The following ZFYVE21 variants were observed in gnomAD, a reference collection of about 807,000 sequenced individuals.
ZFYVE21 encodes the protein zinc finger FYVE domain-containing protein 21.
ZFYVE21 carries 21 observed loss-of-function variants against 29.5 expected under a neutral mutation model. That is an observed-to-expected ratio of 0.71 (90% CI 0.50 to 1.02). The LOEUF (loss-of-function observed/expected upper bound fraction) is 1.02, where lower values mean the gene tolerates loss of function less well. Ranked by LOEUF, ZFYVE21 falls within the 50% of genes least tolerant of loss-of-function variation. The pLI is 0.00. For synonymous variants in ZFYVE21, 151 were observed against 133.8 expected (o/e 1.13, Z -0.89); for missense variants, 326 against 335.4 (o/e 0.97, Z 0.22).
chr14:103,729,065 G>T, intron 4 of ZFYVE21, 26 bp from the exon 5 acceptor site: 1 of 1,613,904 alleles, frequency 6.2e-7, no homozygotes, highest in South Asian at 1.1e-5. Flanking sequence ...AGAATGACCC[G>T]ATTTGGACAC....
intron 1 of ZFYVE21, among the ~76,000 whole-genome samples, chr14:103,720,003 G>A (rs1567068270): frequency 6.6e-6 from 1 of 152,224 alleles, no homozygotes; most frequent in Non-Finnish European, 1.5e-5. Context: ...ACCTGTCACC[G>A]TCTTCAAACT....
chr14:103,726,860 A>AGTG lies in ZFYVE21; in HGVS notation c.189+20_189+22dup, dbSNP rs1214736041. 1 of 1,573,526 alleles carries AGTG rather than the reference A, an allele frequency of 6.4e-7. No individual in the cohort carries two copies. The highest frequency in any genetic ancestry group is 8.7e-7 in the Non-Finnish European group (1 of 1,155,456). On this transcript the variant is annotated intron_variant, in intron 2 of 6. Transcript: ENST00000311141. ...CCAGAAAGGTGAGCTGAGGCCGCTG[A>AGTG]GTGGGGGTGGTGGGAAGAGGGGAGG...
intron 4 of ZFYVE21, 49 bp downstream of exon 4, chr14:103,729,032 G>A (rs370088819): frequency 1.2e-6 from 2 of 1,613,672 alleles, no homozygotes; most frequent in African/African-American, 2.7e-5. Context: ...CACAGACCGG[G>A]AGCCTCGGTG....
intron 1 of ZFYVE21, chr14:103,725,223 AG>A (rs1567070065): frequency 6.6e-6 from 1 of 152,308 alleles, no homozygotes; most frequent in East Asian, 1.9e-4. Flanking sequence ...GGAGGCGGCC[AG>A]GCCAGGCCTT....
rs759696177 is a variant in ZFYVE21, at chr14:103,732,772, C to T, written c.669+10C>T. On this transcript the variant is annotated intron_variant, in intron 6 of 6. Coordinates refer to ENST00000311141, the MANE Select transcript of ZFYVE21 (RefSeq NM_024071.4). ...AGTGGCCATGCACAAGGTACCTGAG[C>T]CCAGGCCAGGGAGGCTGGGCCCTTT... is the stretch of plus-strand genomic sequence containing the variant. The T allele has an allele frequency of 2.5e-6, 4 of 1,611,100 alleles. No individual in the cohort carries two copies. The highest frequency in any genetic ancestry group is 2.5e-6 in the Non-Finnish European group (3 of 1,178,970).
At chr14:103,727,528 A>C (rs1169995981) in intron 2 of ZFYVE21, 1 of 703,170 alleles carries the variant, frequency 1.4e-6, no homozygotes, top group South Asian at 1.5e-5. Context: ...ATTTTGATCC[A>C]TGATTTTGAA....
intron 6 of ZFYVE21, 40 bp downstream of exon 6, chr14:103,732,802 T>TAGAC: frequency 6.2e-7 from 1 of 1,604,544 alleles, no homozygotes; most frequent in Non-Finnish European, 8.5e-7. Flanking sequence ...CCCTTTGGCT[T>TAGAC]AGACAAAAGC....
intron 1 of ZFYVE21, chr14:103,725,686 T>C (rs547671986): frequency 6.6e-6 from 1 of 152,392 alleles, no homozygotes; most frequent in South Asian, 2.1e-4. Flanking sequence ...TGTGTGTCTC[T>C]GGGTGCTTGG....
chr14:103,726,457 G>A, intron 1 of ZFYVE21: 2 of 230,190 alleles, frequency 8.7e-6, no homozygotes, highest in Non-Finnish European at 1.7e-5. Context: ...CGTTGTTAAG[G>A]TGAACTGCTG....
chr14:103,724,174 G>A (rs894536780), intron 1 of ZFYVE21, among the ~76,000 whole-genome samples: 8 of 152,232 alleles, frequency 5.3e-5, no homozygotes, highest in Non-Finnish European at 8.8e-5. Flanking sequence ...TTGGGCGGCC[G>A]CGCGGTCCCC....
intron 1 of ZFYVE21, among the ~76,000 whole-genome samples, chr14:103,717,791 T>C (rs2083839898): frequency 1.3e-5 from 2 of 152,174 alleles, no homozygotes; most frequent in Non-Finnish European, 2.9e-5. Flanking sequence ...TGGGTGGGCT[T>C]GGGGGACAGA....
intron 5 of ZFYVE21, chr14:103,729,878 G>C: frequency 6.5e-7 from 1 of 1,535,398 alleles, no homozygotes; most frequent in Non-Finnish European, 8.7e-7. Context: ...GGGGCTCCCC[G>C]CATGCAGCGG....
chr14:103,717,230 C>G (rs543622209), intron 1 of ZFYVE21, among the ~76,000 whole-genome samples: 1 of 152,216 alleles, frequency 6.6e-6, no homozygotes, highest in Non-Finnish European at 1.5e-5. Flanking sequence ...TCCCCAGTAT[C>G]GCCACCATGA....
chr14:103,729,935 A>G (rs923152464), intron 5 of ZFYVE21: 18 of 1,417,752 alleles, frequency 1.3e-5, no homozygotes, highest in Non-Finnish European at 1.7e-5. Context: ...GGGGTGGTCC[A>G]TGCCAAGGTT....
chr14:103,716,107 C>T lies in ZFYVE21; in HGVS notation c.138+128C>T, dbSNP rs977050079. The T allele has an allele frequency of 4.2e-6, 4 of 942,246 alleles. No homozygotes were observed. Among genetic ancestry groups the T allele is most frequent in the Non-Finnish European group, 5.3e-6 (4 of 755,626 alleles). 58.4% of individuals were successfully genotyped at this position (942,246 alleles called of 1,614,324 possible). On this transcript the variant is annotated intron_variant, in intron 1 of 6. Coordinates refer to ENST00000311141, the MANE Select transcript of ZFYVE21 (RefSeq NM_024071.4). The surrounding 1 kb of genome is among the most constrained non-coding windows in gnomAD (Gnocchi z 4.8). ...GGCCCCTTCCCCAGCCGGCCCCCGCCCCCGCTCTCTCCCAGGTTGGCCGCG... is the reference window on the plus strand; with the variant it reads ...GGCCCCTTCCCCAGCCGGCCCCCGCTCCCGCTCTCTCCCAGGTTGGCCGCG...
In ZFYVE21 at chr14:103,716,992, G is replaced by A. The variant is rs971840086; in HGVS notation, c.138+1013G>A. On this transcript the variant is annotated intron_variant, in intron 1 of 6. Transcript: ENST00000311141. This position sits in a 1 kb window ranked among gnomAD's most constrained non-coding sequence, Gnocchi z 4.8. ...GATTCGTTTAATTCCCTCAGTGATAGAACTAAGCAGACGTTGGAACTAGGT... is the reference window on the plus strand; with the variant it reads ...GATTCGTTTAATTCCCTCAGTGATAAAACTAAGCAGACGTTGGAACTAGGT... 3.9e-5 allele frequency among the ~76,000 whole-genome samples: 6 copies of A among 152,210 alleles called. No individual in the cohort carries two copies. The South Asian group carries it at 1.0e-3, about 26-fold the overall frequency.
At chr14:103,727,613 G>A in intron 2 of ZFYVE21, 133 bp from the exon 3 acceptor site, 1 of 1,159,516 alleles carries the variant, frequency 8.6e-7, no homozygotes, top group Non-Finnish European at 1.2e-6. Context: ...GACAGGAGGT[G>A]CGCGTGTGCA....
At chr14:103,720,989 A>G (rs2083867654) in intron 1 of ZFYVE21, among the ~76,000 whole-genome samples, 1 of 151,698 alleles carries the variant, frequency 6.6e-6, no homozygotes, top group Non-Finnish European at 1.5e-5. Flanking sequence ...CGCCCAGCTA[A>G]TTTTTAGGTT....
intron 2 of ZFYVE21, 177 bp downstream of exon 2, chr14:103,727,019 C>T (rs1383875804): frequency 2.5e-5 from 15 of 592,208 alleles, no homozygotes; most frequent in Non-Finnish European, 2.9e-5. Context: ...CATCTCGGCT[C>T]ACTGCAACCT....
Sources: gnomAD v4.1 joint callset for allele counts (sites outside exome capture counted in the v4.1 genomes callset) on GRCh38, gnomAD v4.1.1 for gene constraint, Gnocchi (gnomAD v3.1) non-coding constraint, MANE v1.5 for transcripts, NCBI Gene and HGNC (gene_info 2026-07-23, HGNC 2026-07-21) for gene names.